STXBP6: variants seen among roughly 807,000 people sequenced by gnomAD.
STXBP6 encodes the protein syntaxin-binding protein 6.
In STXBP6, 21 loss-of-function variants were observed where a neutral mutation model predicts 26.9. The ratio of observed to expected loss-of-function variants is 0.78; its 90% CI spans 0.55 to 1.12. The LOEUF (loss-of-function observed/expected upper bound fraction) is 1.12. Among genes scored for constraint, STXBP6 ranks in the 50% most tolerant of loss-of-function variants. The pLI, the probability that STXBP6 is intolerant of heterozygous loss-of-function variation, is 0.00. For synonymous variants in STXBP6, 97 were observed against 92.6 expected (o/e 1.05, Z -0.27); for missense variants, 232 against 257.9 (o/e 0.90, Z 0.69).
At chr14:24,920,146 C>A (rs968261052) in intron 2 of STXBP6, among the ~76,000 whole-genome samples, 1 of 152,028 alleles carries the variant, frequency 6.6e-6, no homozygotes, top group Non-Finnish European at 1.5e-5. Context: ...TCTTGAAACT[C>A]ACCAGTGTAC....
chr14:24,989,927 C>T (rs567095950), intron 1 of STXBP6, among the ~76,000 whole-genome samples: 94 of 152,270 alleles, frequency 6.2e-4, no homozygotes, highest in African/African-American at 2.2e-3. Context: ...CCATGTAGTC[C>T]ATGGGTTGCA....
intron 2 of STXBP6, among the ~76,000 whole-genome samples, chr14:24,967,399 G>C (rs1409567128): frequency 6.6e-6 from 1 of 152,120 alleles, no homozygotes; most frequent in Non-Finnish European, 1.5e-5. Flanking sequence ...AATTATACCT[G>C]GTGGCCAAAC....
intron 4 of STXBP6, among the ~76,000 whole-genome samples, chr14:24,829,516 T>C (rs1011267308): frequency 6.6e-6 from 1 of 152,192 alleles, no homozygotes; most frequent in Non-Finnish European, 1.5e-5. Context: ...CCAAGGAATA[T>C]AATCAGCATC....
At chr14:25,012,662 C>G (rs1433625219) in intron 1 of STXBP6, among the ~76,000 whole-genome samples, 1 of 152,096 alleles carries the variant, frequency 6.6e-6, no homozygotes, top group Non-Finnish European at 1.5e-5. Flanking sequence ...TATATGGTTT[C>G]TAGAAAACTT....
intron 4 of STXBP6, among the ~76,000 whole-genome samples, chr14:24,830,861 G>A (rs1339751899): frequency 6.6e-6 from 1 of 152,124 alleles, no homozygotes; most frequent in African/African-American, 2.4e-5. Context: ...ACCTGCTAAG[G>A]AAACTGAAAA....
At chr14:24,831,907 A>T (rs964166789) in intron 4 of STXBP6, among the ~76,000 whole-genome samples, 2 of 152,172 alleles carry the variant, frequency 1.3e-5, no homozygotes, top group Non-Finnish European at 2.9e-5. Context: ...GGGCGAATGA[A>T]GGATTTGCTC....
At chr14:24,971,946 CTAAT>C (rs1461623238) in intron 2 of STXBP6, among the ~76,000 whole-genome samples, 2 of 152,212 alleles carry the variant, frequency 1.3e-5, no homozygotes, top group Non-Finnish European at 2.9e-5. Flanking sequence ...AAATATTTGA[CTAAT>C]TAATTGCTAA....
intron 1 of STXBP6, among the ~76,000 whole-genome samples, chr14:25,038,519 A>T (rs1320108738): frequency 6.6e-6 from 1 of 152,246 alleles, no homozygotes; most frequent in Admixed American, 6.5e-5. Context: ...TCCAATAATG[A>T]AAATAAATAA....
rs556102209 is a variant in STXBP6, at chr14:24,909,642, C to T, written c.155-52485G>A. 3.3e-5 allele frequency among the ~76,000 whole-genome samples: 5 copies of T among 151,816 alleles called. No individual in the cohort carries two copies. The South Asian group carries it at 1.0e-3, about 32-fold the overall frequency. ...CAAAAAAATAGAAGAAAAAAATCAG[C>T]TAGGTGTGGCGGCTAGTTGGTGGCA... On this transcript the variant is annotated intron_variant, in intron 2 of 5. Transcript: ENST00000323944.
intron 2 of STXBP6, among the ~76,000 whole-genome samples, chr14:24,925,964 A>C (rs761689957): frequency 2.6e-5 from 4 of 152,140 alleles, no homozygotes; most frequent in Non-Finnish European, 5.9e-5. Context: ...CCTTTCCTAG[A>C]AAACTGGGAA....
At chr14:25,029,468 C>T (rs550269945) in intron 1 of STXBP6, among the ~76,000 whole-genome samples, 1 of 152,246 alleles carries the variant, frequency 6.6e-6, no homozygotes, top group African/African-American at 2.4e-5. Flanking sequence ...TGCTACTGGA[C>T]ACTTAATAGA....
Position 24,819,190 on chromosome 14 carries a change from G to C in STXBP6, c.456C>G (p.Asn152Lys). 6.2e-7 allele frequency: 1 copy of C among 1,614,082 alleles called. No individual in the cohort carries two copies. Among genetic ancestry groups the C allele is most frequent in the Non-Finnish European group, 8.5e-7 (1 of 1,180,016 alleles). Reference sequence around the variant, plus strand: ...TGTCAGCAGCTGAATGGAGGATGCTGTTTCCTGAAAGGAGGAGAGCAGGAG... The same window carrying C: ...TGTCAGCAGCTGAATGGAGGATGCTCTTTCCTGAAAGGAGGAGAGCAGGAG... ...INCQSKIMGG[N>K]SILHSAADSV... is the part of the protein sequence containing the mutation. The change falls in exon 5 of 6, where the codon AAC becomes AAG. Residue 152 changes from asparagine to lysine, a missense_variant. Physicochemically the swap from Asn to Lys is moderately conservative, Grantham distance 94. Coordinates refer to ENST00000323944, the MANE Select transcript of STXBP6 (RefSeq NM_001394410.1).
intron 2 of STXBP6, among the ~76,000 whole-genome samples, chr14:24,896,918 G>T (rs889653367): frequency 7.2e-5 from 11 of 152,122 alleles, no homozygotes; most frequent in African/African-American, 2.7e-4. Context: ...TGGGGAGGGG[G>T]TTACTATTTC....
At chr14:24,958,564 C>A (rs1312151571) in intron 2 of STXBP6, among the ~76,000 whole-genome samples, 1 of 152,052 alleles carries the variant, frequency 6.6e-6, no homozygotes, top group East Asian at 1.9e-4. Flanking sequence ...CATATCACAG[C>A]CTTAAAGCTA....
At chr14:25,029,101 T>C (rs1189663265) in intron 1 of STXBP6, among the ~76,000 whole-genome samples, 1 of 152,134 alleles carries the variant, frequency 6.6e-6, no homozygotes, top group African/African-American at 2.4e-5. Flanking sequence ...ACTTAGAATA[T>C]TACATAAACT....
At chr14:24,867,776 T>A (rs937837996) in intron 2 of STXBP6, among the ~76,000 whole-genome samples, 5 of 152,156 alleles carry the variant, frequency 3.3e-5, no homozygotes, top group African/African-American at 1.2e-4. Context: ...TTCCTATATA[T>A]AACACTAAAA....
intron 2 of STXBP6, among the ~76,000 whole-genome samples, chr14:24,905,168 AG>A (rs2071345339): frequency 6.6e-6 from 1 of 152,210 alleles, no homozygotes; most frequent in Admixed American, 6.5e-5. Flanking sequence ...CATCTCAAAT[AG>A]GATTCATTCA....
intron 2 of STXBP6, among the ~76,000 whole-genome samples, chr14:24,925,525 G>A (rs925435251): frequency 1.3e-5 from 2 of 152,156 alleles, no homozygotes; most frequent in African/African-American, 4.8e-5. Flanking sequence ...CGGGGAGGGA[G>A]GGAAGCCTCT....
At chr14:24,999,832 A>C (rs778259956) in intron 1 of STXBP6, among the ~76,000 whole-genome samples, 2 of 152,186 alleles carry the variant, frequency 1.3e-5, no homozygotes, top group East Asian at 3.9e-4. Context: ...TGAAGCCTCT[A>C]ATACCTCTAG....
Sources: gnomAD v4.1 joint callset for allele counts (sites outside exome capture counted in the v4.1 genomes callset) on GRCh38, gnomAD v4.1.1 for gene constraint, MANE v1.5 for transcripts, NCBI Gene and HGNC (gene_info 2026-07-23, HGNC 2026-07-21) for gene names.